ADAMTSL3: variants seen among roughly 807,000 people sequenced by gnomAD.
ADAMTSL3 encodes the protein ADAMTS-like protein 3.
Under a neutral mutation model 201.7 loss-of-function variants are expected in ADAMTSL3, and 128 were observed. The ratio of observed to expected loss-of-function variants is 0.63; its 90% CI spans 0.55 to 0.73. The LOEUF (loss-of-function observed/expected upper bound fraction) is 0.73. Ranked by LOEUF, ADAMTSL3 falls within the 30% of genes least tolerant of loss-of-function variation. The pLI is 0.00. For missense variants in ADAMTSL3, 1,990 were observed against 2,119.6 expected (o/e 0.94, Z 1.20); for synonymous variants, 738 against 748.4 (o/e 0.99, Z 0.23).
At chr15:83,859,981 A>G (rs1017123806) in intron 8 of ADAMTSL3, among the ~76,000 whole-genome samples, 4 of 152,174 alleles carry the variant, frequency 2.6e-5, no homozygotes, top group African/African-American at 7.2e-5. Flanking sequence ...TGGGCAGCAC[A>G]GGAAGACCCC....
chr15:83,752,032 T>A lies in ADAMTSL3; in HGVS notation c.190-21491T>A, dbSNP rs74024558. ...GAATGCAATTTATTATGAGAAACAA[T>A]ACATTTTAAATACCATTTGCTTTGG... On this transcript the variant is annotated intron_variant, in intron 3 of 29. Coordinates refer to ENST00000286744, the MANE Select transcript of ADAMTSL3 (RefSeq NM_207517.3). Among the ~76,000 whole-genome samples, 1,340 of 152,290 alleles carry A rather than the reference T, an allele frequency of 8.8e-3. 17 individuals are homozygous for A. The highest frequency in any genetic ancestry group is 0.029 in the African/African-American group (1,222 of 41,564).
intron 16 of ADAMTSL3, among the ~76,000 whole-genome samples, chr15:83,914,607 C>T (rs2065995132): frequency 1.3e-5 from 2 of 152,192 alleles, no homozygotes; most frequent in Admixed American, 1.3e-4. Context: ...CCTCTGGACT[C>T]TTTCTCCCCT....
intron 7 of ADAMTSL3, among the ~76,000 whole-genome samples, chr15:83,852,567 G>T (rs1327511974): frequency 6.6e-6 from 1 of 152,170 alleles, no homozygotes; most frequent in South Asian, 2.1e-4. Context: ...CAAAGATACT[G>T]TAATTTCTCT....
intron 6 of ADAMTSL3, among the ~76,000 whole-genome samples, chr15:83,822,446 T>C (rs1428714048): frequency 7.2e-5 from 7 of 96,726 alleles, no homozygotes; most frequent in African/African-American, 3.2e-4. Context: ...GACGGGGCGG[T>C]TGCCAGGCGG....
At chr15:83,793,625 C>A (rs967850521) in intron 4 of ADAMTSL3, among the ~76,000 whole-genome samples, 2 of 152,006 alleles carry the variant, frequency 1.3e-5, no homozygotes, top group African/African-American at 2.4e-5. Flanking sequence ...TACAGGCATG[C>A]GCCACTATGC....
chr15:83,965,499 A>G (rs1365609958), intron 19 of ADAMTSL3, among the ~76,000 whole-genome samples: 1 of 152,236 alleles, frequency 6.6e-6, no homozygotes. Context: ...CTAAATATAC[A>G]TGCACCCAAT....
At chr15:83,687,055 C>T (rs2061546508) in intron 2 of ADAMTSL3, among the ~76,000 whole-genome samples, 1 of 150,530 alleles carries the variant, frequency 6.6e-6, no homozygotes, top group South Asian at 2.1e-4. Context: ...AACAAACAAA[C>T]AGTTAGCTGG....
chr15:83,772,027 G>C (rs2062992286), intron 3 of ADAMTSL3, among the ~76,000 whole-genome samples: 1 of 151,912 alleles, frequency 6.6e-6, no homozygotes, highest in African/African-American at 2.4e-5. Flanking sequence ...TAGTTTTTTT[G>C]TATTTTAGTA....
At chr15:83,655,470 T>G (rs551364347) in intron 1 of ADAMTSL3, among the ~76,000 whole-genome samples, 17 of 152,194 alleles carry the variant, frequency 1.1e-4, no homozygotes, top group Non-Finnish European at 1.8e-4. Context: ...GGCAGGGATA[T>G]CTCAGCTTCT....
chr15:83,877,275 T>C (rs1331040902), intron 9 of ADAMTSL3, among the ~76,000 whole-genome samples: 1 of 152,228 alleles, frequency 6.6e-6, no homozygotes, highest in Admixed American at 6.5e-5. Context: ...TATTTTTCTT[T>C]TCACACCAAA....
intron 3 of ADAMTSL3, among the ~76,000 whole-genome samples, chr15:83,713,627 A>C (rs895839672): frequency 8.5e-5 from 13 of 152,192 alleles, no homozygotes; most frequent in African/African-American, 3.1e-4. Flanking sequence ...TTCAAAACAA[A>C]GGTAAGTTAA....
intron 17 of ADAMTSL3, among the ~76,000 whole-genome samples, chr15:83,940,210 G>T (rs1006194397): frequency 6.6e-6 from 1 of 152,050 alleles, no homozygotes; most frequent in Non-Finnish European, 1.5e-5. Flanking sequence ...TGGCCCATGC[G>T]CAATTTAGAA....
Position 84,037,070 on chromosome 15 carries a change from C to G in ADAMTSL3, c.4969+83C>G, listed in dbSNP as rs138345968. On this transcript the variant is annotated intron_variant, in intron 29 of 29. Coordinates refer to ENST00000286744, the MANE Select transcript of ADAMTSL3 (RefSeq NM_207517.3). ...TGATGCTACCATCACGGCACCAAAC[C>G]CTGCTAGTGATTACCTCATCAGTGT... is the stretch of plus-strand genomic sequence containing the variant. 46 of 1,397,734 alleles carry G rather than the reference C, an allele frequency of 3.3e-5. No homozygotes were observed. The East Asian group carries it at 1.1e-3, about 33-fold the overall frequency. 86.6% of individuals were successfully genotyped at this position (1,397,734 alleles called of 1,614,324 possible).
chr15:83,947,243 G>A (rs961691075), intron 19 of ADAMTSL3, among the ~76,000 whole-genome samples: 1 of 152,166 alleles, frequency 6.6e-6, no homozygotes, highest in Admixed American at 6.5e-5. Flanking sequence ...GTTGAAACTG[G>A]CCACTAACCC....
At chr15:83,967,300 C>A (rs2067107612) in intron 19 of ADAMTSL3, among the ~76,000 whole-genome samples, 1 of 152,200 alleles carries the variant, frequency 6.6e-6, no homozygotes, top group Non-Finnish European at 1.5e-5. Flanking sequence ...AGCCCAAAAT[C>A]TCCTTATGCT....
intron 2 of ADAMTSL3, among the ~76,000 whole-genome samples, chr15:83,702,693 G>A (rs2061793359): frequency 6.6e-6 from 1 of 152,226 alleles, no homozygotes. Context: ...CCTCTGCCCA[G>A]ATTTCAGAGG....
At chr15:83,966,467 G>C (rs1001849181) in intron 19 of ADAMTSL3, among the ~76,000 whole-genome samples, 2 of 152,088 alleles carry the variant, frequency 1.3e-5, no homozygotes, top group African/African-American at 2.4e-5. Context: ...ACCCTCCCAA[G>C]ACTAAACCAG....
intron 27 of ADAMTSL3, among the ~76,000 whole-genome samples, chr15:84,027,447 G>A (rs544781266): frequency 3.3e-5 from 5 of 152,264 alleles, no homozygotes; most frequent in Non-Finnish European, 5.9e-5. Context: ...AACGGAGGCC[G>A]GGCGCGGTGA....
At chr15:83,660,592 AG>A (rs2061149278) in intron 2 of ADAMTSL3, among the ~76,000 whole-genome samples, 1 of 152,164 alleles carries the variant, frequency 6.6e-6, no homozygotes. Flanking sequence ...CATTTCAGTA[AG>A]GTATAAATAT....
Sources: gnomAD v4.1 joint callset for allele counts (sites outside exome capture counted in the v4.1 genomes callset) on GRCh38, gnomAD v4.1.1 for gene constraint, MANE v1.5 for transcripts, NCBI Gene and HGNC (gene_info 2026-07-23, HGNC 2026-07-21) for gene names.